Variants in LUZP2 observed in about 807,000 individuals in gnomAD.
The protein encoded by LUZP2 is leucine zipper protein 2.
LUZP2 carries 52 observed loss-of-function variants against 51.6 expected under a neutral mutation model. The observed-to-expected ratio is 1.01, with a 90% CI of 0.81 to 1.27. The LOEUF (loss-of-function observed/expected upper bound fraction) is 1.27, where lower values mean the gene tolerates loss of function less well. Ranked by LOEUF, LUZP2 falls within the 50% of genes most tolerant of loss-of-function variation. LUZP2 has a pLI of 0.00. For synonymous variants in LUZP2, 154 were observed against 137.3 expected (o/e 1.12, Z -0.85); for missense variants, 436 against 395.4 (o/e 1.10, Z -0.87).
At chr11:24,690,573 T>C (rs1857033962) in intron 1 of LUZP2, among the ~76,000 whole-genome samples, 2 of 151,052 alleles carry the variant, frequency 1.3e-5, no homozygotes, top group South Asian at 4.1e-4. Flanking sequence ...CACTCTGATA[T>C]CCTTCAAAGT....
chr11:24,939,465 A>G (rs1242062680), intron 7 of LUZP2, among the ~76,000 whole-genome samples: 1 of 152,064 alleles, frequency 6.6e-6, no homozygotes, highest in Non-Finnish European at 1.5e-5. Flanking sequence ...GTACCTTCCT[A>G]CTAGCTTTAT....
In LUZP2 at chr11:24,587,809, G is replaced by T. The variant is rs970830929; in HGVS notation, c.62+90504G>T. Among the ~76,000 whole-genome samples, 5 of 152,078 alleles carry T rather than the reference G, an allele frequency of 3.3e-5. No homozygotes were observed. The South Asian group carries it at 1.0e-3, about 32-fold the overall frequency. On this transcript the variant is annotated intron_variant, in intron 1 of 11. Coordinates refer to ENST00000336930, the MANE Select transcript of LUZP2 (RefSeq NM_001009909.4). Reference sequence around the variant, plus strand: ...TTTAAAAAAAGTAAATGAAATATATGTGTTTAAGGCAAACAGCTGTGGTGA... The same window carrying T: ...TTTAAAAAAAGTAAATGAAATATATTTGTTTAAGGCAAACAGCTGTGGTGA...
In LUZP2 at chr11:24,839,337, A is replaced by G. The variant is rs529958979; in HGVS notation, c.397-66654A>G. ...GTGTACTAGTTTTAGAAATAGGTCC[A>G]TGCCAATGGTTAAATCTTGTTGTTC... On this transcript the variant is annotated intron_variant, in intron 5 of 11. Coordinates refer to ENST00000336930, the MANE Select transcript of LUZP2 (RefSeq NM_001009909.4). Among the ~76,000 whole-genome samples the G allele has an allele frequency of 2.6e-4, 40 of 151,828 alleles. No homozygotes were observed. The South Asian group carries it at 8.1e-3, about 31-fold the overall frequency.
chr11:24,961,635 G>T (rs1219184372), intron 7 of LUZP2, among the ~76,000 whole-genome samples: 1 of 152,060 alleles, frequency 6.6e-6, no homozygotes, highest in Admixed American at 6.6e-5. Flanking sequence ...TTGAGCCTGT[G>T]TGTGTCTCTG....
intron 1 of LUZP2, among the ~76,000 whole-genome samples, chr11:24,516,325 CTGAAATAAT>C (rs1850460652): frequency 6.6e-6 from 1 of 152,092 alleles, no homozygotes; most frequent in African/African-American, 2.4e-5. Context: ...ACTTGTCAAT[CTGAAATAAT>C]TGAAATAATC....
intron 1 of LUZP2, among the ~76,000 whole-genome samples, chr11:24,522,337 T>A (rs540728652): frequency 4.8e-4 from 67 of 140,554 alleles, no homozygotes; most frequent in African/African-American, 2.0e-3. Flanking sequence ...TGCTTTTTTT[T>A]TTCTTTTTGT....
intron 1 of LUZP2, among the ~76,000 whole-genome samples, chr11:24,699,525 GT>G (rs1857356332): frequency 6.6e-6 from 1 of 151,930 alleles, no homozygotes; most frequent in South Asian, 2.1e-4. Context: ...TAGGAAGGTT[GT>G]TTTACTGATG....
chr11:25,065,653 C>T (rs1858978254), intron 10 of LUZP2, among the ~76,000 whole-genome samples: 2 of 151,898 alleles, frequency 1.3e-5, no homozygotes. Flanking sequence ...TTCCAAGAGT[C>T]ACAGTTCCAT....
intron 7 of LUZP2, among the ~76,000 whole-genome samples, chr11:24,916,942 T>C (rs969453748): frequency 6.6e-6 from 1 of 152,188 alleles, no homozygotes; most frequent in Admixed American, 6.6e-5. Flanking sequence ...TAGTTGACAG[T>C]CCCATCAACA....
chr11:24,633,498 G>A (rs2133931034), intron 1 of LUZP2, among the ~76,000 whole-genome samples: 1 of 151,976 alleles, frequency 6.6e-6, no homozygotes, highest in East Asian at 1.9e-4. Flanking sequence ...TAATTGAGAA[G>A]AAAAAGCAGT....
At chr11:24,649,212 G>A (rs1315785024) in intron 1 of LUZP2, among the ~76,000 whole-genome samples, 6 of 152,098 alleles carry the variant, frequency 3.9e-5, no homozygotes, top group African/African-American at 1.2e-4. Context: ...GCCAGAGGGA[G>A]GCTCCTCAGT....
chr11:24,527,306 T>C (rs899771117), intron 1 of LUZP2, among the ~76,000 whole-genome samples: 1 of 151,506 alleles, frequency 6.6e-6, no homozygotes, highest in Non-Finnish European at 1.5e-5. Context: ...TCCATAAATA[T>C]ACAGATTGTA....
chr11:25,003,764 G>A (rs1197229857), intron 9 of LUZP2, among the ~76,000 whole-genome samples: 1 of 152,120 alleles, frequency 6.6e-6, no homozygotes, highest in Non-Finnish European at 1.5e-5. Flanking sequence ...CTTCAGGGTT[G>A]ACTCCTTCCT....
At chr11:25,033,637 C>T (rs568320166) in intron 9 of LUZP2, among the ~76,000 whole-genome samples, 1 of 152,200 alleles carries the variant, frequency 6.6e-6, no homozygotes, top group East Asian at 1.9e-4. Flanking sequence ...CATGTGTGCT[C>T]AGTGGTTAGC....
At chr11:25,073,175 A>C (rs930748772) in intron 10 of LUZP2, among the ~76,000 whole-genome samples, 1 of 152,170 alleles carries the variant, frequency 6.6e-6, no homozygotes, top group Non-Finnish European at 1.5e-5. Context: ...ATTGCCAAGC[A>C]ATCCAGATGT....
At chr11:24,508,223 G>A (rs1198655307) in intron 1 of LUZP2, among the ~76,000 whole-genome samples, 1 of 151,960 alleles carries the variant, frequency 6.6e-6, no homozygotes, top group Non-Finnish European at 1.5e-5. Flanking sequence ...GTACTACAGT[G>A]CCTCCTAGGA....
intron 7 of LUZP2, among the ~76,000 whole-genome samples, chr11:24,934,488 T>C (rs1854538363): frequency 6.6e-6 from 1 of 152,210 alleles, no homozygotes; most frequent in African/African-American, 2.4e-5. Context: ...GCCAGGCTTA[T>C]GGTTTATTAC....
At chr11:24,767,952 C>T (rs1394545522) in intron 5 of LUZP2, among the ~76,000 whole-genome samples, 6 of 146,148 alleles carry the variant, frequency 4.1e-5, no homozygotes, top group Non-Finnish European at 4.5e-5. Flanking sequence ...TTTCAAAACA[C>T]CCTTTCTATA....
At chr11:24,617,315 C>A (rs1854322376) in intron 1 of LUZP2, among the ~76,000 whole-genome samples, 1 of 151,650 alleles carries the variant, frequency 6.6e-6, no homozygotes, top group African/African-American at 2.4e-5. Flanking sequence ...TCCAATTTTG[C>A]CTTATTTTTC....
Sources: gnomAD v4.1 joint callset for allele counts (sites outside exome capture counted in the v4.1 genomes callset) on GRCh38, gnomAD v4.1.1 for gene constraint, MANE v1.5 for transcripts, NCBI Gene and HGNC (gene_info 2026-07-23, HGNC 2026-07-21) for gene names.